Variants in TAS2R1 observed in about 807,000 individuals in gnomAD.
The protein encoded by TAS2R1 is taste receptor type 2 member 1.
For synonymous variants in TAS2R1, 141 were observed against 134.2 expected, an observed-to-expected ratio of 1.05 and a Z score of -0.35; for missense variants, 370 against 353.4, an observed-to-expected ratio of 1.05 and a Z score of -0.38.
At chr5:9,662,844 T>G (rs1740564944) in intron 1 of TAS2R1, among the ~76,000 whole-genome samples, 1 of 152,220 alleles carries the variant, frequency 6.6e-6, no homozygotes, top group South Asian at 2.1e-4. Context: ...CCAGAGATAA[T>G]GATATAAATA....
intron 1 of TAS2R1, among the ~76,000 whole-genome samples, chr5:9,676,362 A>G (rs755950678): frequency 6.6e-6 from 1 of 152,200 alleles, no homozygotes; most frequent in Non-Finnish European, 1.5e-5. Flanking sequence ...AAAACTTACT[A>G]AAAAACTGCA....
the TAS2R1 span, among the ~76,000 whole-genome samples, chr5:9,826,061 A>ATAATTACATTTAACATTTACATT: frequency 6.6e-6 from 1 of 152,232 alleles, no homozygotes; most frequent in Non-Finnish European, 1.5e-5. Flanking sequence ...GGTAATTTTT[A>ATAATTACATTTAACATTTACATT]TAATTACATT....
At chr5:9,692,821 G>A (rs886799908) in intron 1 of TAS2R1, among the ~76,000 whole-genome samples, 2 of 152,186 alleles carry the variant, frequency 1.3e-5, no homozygotes, top group Admixed American at 6.5e-5. Flanking sequence ...TTGTAGATAA[G>A]CCTCGTCCTG....
chr5:9,718,596 T>A, the TAS2R1 span, among the ~76,000 whole-genome samples: 35 of 152,120 alleles, frequency 2.3e-4, no homozygotes, highest in Admixed American at 2.2e-3. Flanking sequence ...AAGACCAGCC[T>A]GAGCAACACA....
At chr5:9,771,367 A>T in the TAS2R1 span, among the ~76,000 whole-genome samples, 2 of 152,150 alleles carry the variant, frequency 1.3e-5, no homozygotes, top group Non-Finnish European at 2.9e-5. Context: ...GGGATAAATC[A>T]TCCTTGATTA....
At chr5:9,833,398 A>G in the TAS2R1 span, among the ~76,000 whole-genome samples, 1 of 152,196 alleles carries the variant, frequency 6.6e-6, no homozygotes, top group Non-Finnish European at 1.5e-5. Flanking sequence ...TTCACATTTT[A>G]TAACTGTAAC....
At position 9,628,502 on chromosome 5, in the gene TAS2R1, T is replaced by C. The variant is rs1434408483; in HGVS notation, c.*631A>G. On this transcript the variant is annotated 3_prime_UTR_variant, in exon 1 of 1. Transcript: ENST00000382492. Reference sequence around the variant, plus strand: ...GGCCATGTCACCATGGCATCTAGGCTCTCTGCAGGATGAAGTAGGAGAATA... The same window carrying C: ...GGCCATGTCACCATGGCATCTAGGCCCTCTGCAGGATGAAGTAGGAGAATA... Among the ~76,000 whole-genome samples, 2 of 152,138 alleles carry C rather than the reference T, an allele frequency of 1.3e-5. No homozygotes were observed. The highest frequency in any genetic ancestry group is 2.9e-5 in the Non-Finnish European group (2 of 68,038).
chr5:9,673,054 T>C (rs1055734629), intron 1 of TAS2R1, among the ~76,000 whole-genome samples: 1 of 152,128 alleles, frequency 6.6e-6, no homozygotes, highest in African/African-American at 2.4e-5. Flanking sequence ...GAAAACCACA[T>C]ATTGCATGTT....
the TAS2R1 span, among the ~76,000 whole-genome samples, chr5:9,756,702 T>C: frequency 6.6e-6 from 1 of 152,174 alleles, no homozygotes; most frequent in African/African-American, 2.4e-5. Flanking sequence ...GTGTAAAAGA[T>C]ATCATGACAT....
the TAS2R1 span, among the ~76,000 whole-genome samples, chr5:9,890,875 C>T: frequency 6.6e-6 from 1 of 152,174 alleles, no homozygotes; most frequent in African/African-American, 2.4e-5. Context: ...AAATGATAAT[C>T]AAAGTGGATT....
the TAS2R1 span, among the ~76,000 whole-genome samples, chr5:9,873,563 G>A: frequency 6.6e-6 from 1 of 151,716 alleles, no homozygotes; most frequent in African/African-American, 2.4e-5. Flanking sequence ...ATAGAAGGAG[G>A]AGAAATAAAA....
chr5:9,687,566 T>C (rs531276954), intron 1 of TAS2R1, among the ~76,000 whole-genome samples: 1 of 143,554 alleles, frequency 7.0e-6, no homozygotes, highest in East Asian at 1.9e-4. Context: ...AGTTTCCCTT[T>C]CTGCCTGTAG....
At chr5:9,815,890 G>C in the TAS2R1 span, among the ~76,000 whole-genome samples, 1 of 152,168 alleles carries the variant, frequency 6.6e-6, no homozygotes, top group African/African-American at 2.4e-5. Context: ...AGAATGAGAA[G>C]TGGTCACCCT....
At position 9,629,236 on chromosome 5, in the gene TAS2R1, A is replaced by G; in HGVS notation, c.797T>C (p.Ile266Thr). 2 of 1,613,752 alleles carry G rather than the reference A, an allele frequency of 1.2e-6. No individual in the cohort carries two copies. The highest frequency in any genetic ancestry group is 2.2e-5 in the East Asian group (1 of 44,882). Reference protein sequence around the residue: ...RFIFLFFILVIGIYPSGHSLI... With the variant: ...RFIFLFFILVTGIYPSGHSLI... The stretch of plus-strand genomic sequence containing the variant: ...AGAGTGTCCAGAAGGGTATATACCA[A>G]TCACAAGGATGAAGAACAGAAAGAT... Residue 266 changes from isoleucine to threonine, a missense_variant, in exon 1 of 1, where the codon ATT becomes ACT. Ile to Thr is a moderately conservative substitution (Grantham distance 89, BLOSUM62 -1). Transcript: ENST00000382492.
the TAS2R1 span, among the ~76,000 whole-genome samples, chr5:9,747,185 T>C: frequency 6.6e-6 from 1 of 152,142 alleles, no homozygotes; most frequent in East Asian, 1.9e-4. Flanking sequence ...AGATTGGGCA[T>C]TGGAGTTTGC....
chr5:9,882,534 G>A, the TAS2R1 span, among the ~76,000 whole-genome samples: 12 of 152,300 alleles, frequency 7.9e-5, no homozygotes, highest in Admixed American at 7.2e-4. Context: ...CCTGAGGCAC[G>A]AGAATTGCTT....
At chr5:9,847,451 G>A in the TAS2R1 span, among the ~76,000 whole-genome samples, 1 of 152,192 alleles carries the variant, frequency 6.6e-6, no homozygotes, top group African/African-American at 2.4e-5. Context: ...TAGACCATCT[G>A]TCTTAAGTCA....
chr5:9,787,657 A>G, the TAS2R1 span, among the ~76,000 whole-genome samples: 9 of 152,202 alleles, frequency 5.9e-5, no homozygotes, highest in Non-Finnish European at 8.8e-5. Flanking sequence ...GTCTTCCCAA[A>G]CAATTAAGGA....
the TAS2R1 span, among the ~76,000 whole-genome samples, chr5:9,742,949 G>C: frequency 6.6e-6 from 1 of 151,980 alleles, no homozygotes; most frequent in Non-Finnish European, 1.5e-5. Context: ...AGAGAGAAAA[G>C]TAGCAACTTT....
Sources: allele counts gnomAD v4.1 joint callset (sites outside exome capture counted in the v4.1 genomes callset), GRCh38; gene constraint gnomAD v4.1.1; transcripts MANE v1.5; gene names NCBI Gene and HGNC (gene_info 2026-07-23, HGNC 2026-07-21).